The following RBM34 variants were observed in gnomAD, a reference collection of about 807,000 sequenced individuals.
RBM34 encodes the protein RNA-binding protein 34.
Under a neutral mutation model 44.6 loss-of-function variants are expected in RBM34, and 39 were observed. The observed-to-expected ratio is 0.87, with a 90% confidence interval of 0.68 to 1.14. The LOEUF (loss-of-function observed/expected upper bound fraction) is 1.14, where lower values mean the gene tolerates loss of function less well. Ranked by LOEUF, RBM34 falls within the 50% of genes most tolerant of loss-of-function variation. RBM34 has a pLI of 0.00. For synonymous variants in RBM34, 194 were observed against 184.0 expected, an observed-to-expected ratio of 1.05 and a Z score of -0.44; for missense variants, 572 against 517.9, an observed-to-expected ratio of 1.10 and a Z score of -1.01.
chr1:235,134,737 G>A (rs148295763), intron 10 of RBM34, among the ~76,000 whole-genome samples: 1,687 of 146,510 alleles, frequency 0.012, 30 homozygotes, highest in African/African-American at 0.037. Context: ...TTCAGTTCTC[G>A]TTTTCGGGTT....
chr1:235,158,649 A>C (rs1662555866), intron 3 of RBM34, among the ~76,000 whole-genome samples: 2 of 152,172 alleles, frequency 1.3e-5, no homozygotes, highest in South Asian at 4.1e-4. Flanking sequence ...GCAGTTCCCA[A>C]CTGTCAGTGA....
At position 235,135,681 on chromosome 1, in the gene RBM34, C is replaced by T. The variant is rs759685290; in HGVS notation, c.979G>A (p.Gly327Ser). The change falls in exon 10 of 11, where the codon GGC becomes AGC. Residue 327 changes from glycine to serine, a missense_variant. By Grantham distance (56) the Gly-to-Ser change is moderately conservative. Coordinates refer to ENST00000408888, the MANE Select transcript of RBM34 (RefSeq NM_015014.4). ...AAGAGCACATAGCCAAACCCTTTGC[C>T]GATGCCTGTCATTTTGTCTCTCACA... ...RIVRDKMTGI[G>S]KGFGYVLFEN... The T allele has an allele frequency of 5.0e-6, 8 of 1,614,066 alleles. 1 individual carries two copies. The highest frequency in any genetic ancestry group is 3.3e-4 in the Middle Eastern group (2 of 6,084).
rs1331183143 is a variant in RBM34, at chr1:235,155,816, CATATACATATATATATATATATAT to C, written c.366-728_366-705del. On this transcript the variant is annotated intron_variant, in intron 3 of 10. Coordinates refer to ENST00000408888, the MANE Select transcript of RBM34 (RefSeq NM_015014.4). ...CACCATGTCCAGTCTTTTATACATA[CATATACATATATATATATATATAT>C]ATATATATATATATATATATATATA... Among the ~76,000 whole-genome samples the C allele has an allele frequency of 2.4e-3, 178 of 72,740 alleles. 2 individuals are homozygous for C. Among genetic ancestry groups the C allele is most frequent in the African/African-American group, 0.011 (169 of 14,954 alleles). 47.7% of individuals were successfully genotyped at this position (72,740 alleles called of 152,430 possible).
intron 8 of RBM34, among the ~76,000 whole-genome samples, chr1:235,136,810 C>T (rs1661450850): frequency 2.0e-5 from 3 of 152,182 alleles, no homozygotes; most frequent in Admixed American, 1.3e-4. Flanking sequence ...ATGATTTGGC[C>T]TCTGCCTATT....
At chr1:235,152,662 A>G (rs1039886470) in intron 5 of RBM34, 44 bp downstream of exon 5, 4 of 1,580,850 alleles carry the variant, frequency 2.5e-6, no homozygotes, top group Non-Finnish European at 3.4e-6. Flanking sequence ...TTTAAATGCA[A>G]TAAATTTTAA....
In RBM34 at chr1:235,156,568, C is replaced by G. The variant is rs1415947805; in HGVS notation, c.366-1456G>C. On this transcript the variant is annotated intron_variant, in intron 3 of 10. Transcript: ENST00000408888. ...AAAACCAGATTCCCTACTTCTAATA[C>G]TTCTGTAATATTTAAAGGACTCTTA... 9.4e-6 allele frequency: 4 copies of G among 427,748 alleles called. No individual in the cohort carries two copies. In the Admixed American group the frequency reaches 1.2e-4, roughly 13 times the overall value. 26.5% of individuals were successfully genotyped at this position (427,748 alleles called of 1,614,324 possible). A position where few individuals can be genotyped will look rare whatever the true frequency, so the allele number is the denominator to read the frequency against.
At chr1:235,153,462 G>A (rs1304476604) in intron 4 of RBM34, among the ~76,000 whole-genome samples, 1 of 146,836 alleles carries the variant, frequency 6.8e-6, no homozygotes, top group Admixed American at 6.8e-5. Flanking sequence ...CTCACTCACT[G>A]TCACCCAGGC....
rs397983303 is a variant in RBM34 at position 235,159,869 on chromosome 1, C to CAA, written c.365+640_365+641dup. ...GGACAAAAAGAGCAAAACTCCGTCTCAAAAAAAAAAAAAGAAACGCAAACC... is the reference window on the plus strand; with the variant it reads ...GGACAAAAAGAGCAAAACTCCGTCTCAAAAAAAAAAAAAAAGAAACGCAAACC... On this transcript the variant is annotated intron_variant, in intron 3 of 10. Coordinates refer to ENST00000408888, the MANE Select transcript of RBM34 (RefSeq NM_015014.4). 1.7e-3 allele frequency among the ~76,000 whole-genome samples: 245 copies of CAA among 140,114 alleles called. No homozygotes were observed. The Middle Eastern group carries it at 0.034, about 19-fold the overall frequency. 91.9% of individuals were successfully genotyped at this position (140,114 alleles called of 152,430 possible).
At chr1:235,132,652 T>C (rs1240223023) in intron 10 of RBM34, among the ~76,000 whole-genome samples, 1 of 152,108 alleles carries the variant, frequency 6.6e-6, no homozygotes, top group Non-Finnish European at 1.5e-5. Flanking sequence ...CGTATAGCCA[T>C]CTTTCTGTCA....
chr1:235,137,674 C>G (rs1316105002), intron 8 of RBM34, among the ~76,000 whole-genome samples: 2 of 152,086 alleles, frequency 1.3e-5, no homozygotes, highest in African/African-American at 4.8e-5. Flanking sequence ...TTGTGCCCAG[C>G]CAGGACTACG....
Position 235,160,451 on chromosome 1 carries a change from T to C in RBM34, c.365+60A>G, listed in dbSNP as rs1264136458. The C allele has an allele frequency of 3.3e-6, 5 of 1,513,810 alleles. No individual in the cohort carries two copies. In the African/African-American group the frequency reaches 6.9e-5, roughly 21 times the overall value. The allele number at this position is 1,513,810 out of a possible 1,614,324, so 93.8% of individuals were successfully genotyped here. A position where few individuals can be genotyped will look rare whatever the true frequency, so the allele number is the denominator to read the frequency against. ...AAATAAAACTGACGAATATTCCAAGTATAGGAATGTTAATTTACCATCTAA... is the reference window on the plus strand; with the variant it reads ...AAATAAAACTGACGAATATTCCAAGCATAGGAATGTTAATTTACCATCTAA... On this transcript the variant is annotated intron_variant, in intron 3 of 10. Transcript: ENST00000408888.
intron 6 of RBM34, among the ~76,000 whole-genome samples, chr1:235,147,260 A>G (rs1345470477): frequency 6.6e-6 from 1 of 152,062 alleles, no homozygotes; most frequent in Non-Finnish European, 1.5e-5. Flanking sequence ...CAAAGAAACA[A>G]AAAAACAATG....
chr1:235,139,526 G>T (rs1307353093), intron 6 of RBM34, among the ~76,000 whole-genome samples: 1 of 152,128 alleles, frequency 6.6e-6, no homozygotes, highest in Non-Finnish European at 1.5e-5. Context: ...ACCAAGTCTA[G>T]CTGACTCTAG....
intron 6 of RBM34, among the ~76,000 whole-genome samples, chr1:235,142,092 G>A (rs1661707807): frequency 6.6e-6 from 1 of 152,066 alleles, no homozygotes; most frequent in Admixed American, 6.5e-5. Context: ...CCAGCTACCG[G>A]GGGAGAGGTG....
chr1:235,146,159 GC>G (rs1661899768), intron 6 of RBM34, among the ~76,000 whole-genome samples: 2 of 151,592 alleles, frequency 1.3e-5, no homozygotes, highest in Non-Finnish European at 2.9e-5. Context: ...TTGCCATTTT[GC>G]CCAGGGAGGT....
chr1:235,155,350 T>G (rs1213744453), intron 3 of RBM34, among the ~76,000 whole-genome samples: 3 of 152,072 alleles, frequency 2.0e-5, no homozygotes, highest in Non-Finnish European at 4.4e-5. Context: ...AGCTCTTTTT[T>G]TTTTTCTTTG....
chr1:235,157,599 GC>G (rs1662506423), intron 3 of RBM34, among the ~76,000 whole-genome samples: 1 of 152,086 alleles, frequency 6.6e-6, no homozygotes, highest in Non-Finnish European at 1.5e-5. Context: ...AAGAGATACT[GC>G]CCCCAACAAA....
At chr1:235,160,308 G>A (rs1234218960) in intron 3 of RBM34, 1 of 737,424 alleles carries the variant, frequency 1.4e-6, no homozygotes, top group East Asian at 2.7e-5. Flanking sequence ...AATACAAAAA[G>A]GTTAGCCAAA....
At chr1:235,148,652 G>A (rs1662017403) in intron 5 of RBM34, among the ~76,000 whole-genome samples, 2 of 151,214 alleles carry the variant, frequency 1.3e-5, no homozygotes, top group South Asian at 4.2e-4. Context: ...AGGCTGGAGT[G>A]CAGTGGCATG....
Sources: allele counts gnomAD v4.1 joint callset (sites outside exome capture counted in the v4.1 genomes callset), GRCh38; gene constraint gnomAD v4.1.1; transcripts MANE v1.5; gene names NCBI Gene and HGNC (gene_info 2026-07-23, HGNC 2026-07-21).